Variants in DUSP8 observed in about 807,000 individuals in gnomAD.
DUSP8 encodes dual specificity phosphatase 8.
In DUSP8, 15 loss-of-function variants were observed where a neutral mutation model predicts 38.7. The ratio of observed to expected loss-of-function variants is 0.39; its 90% CI spans 0.26 to 0.60. The LOEUF is 0.60. Among genes scored for constraint, DUSP8 ranks in the 20% least tolerant of loss-of-function variants. The pLI is 0.56. For synonymous variants in DUSP8, 458 were observed against 433.9 expected (o/e 1.06, Z -0.69); for missense variants, 768 against 915.0 (o/e 0.84, Z 2.07).
chr11:1,557,226 G>C lies in DUSP8; in HGVS notation c.1170C>G (p.Leu390=). 6.7e-7 allele frequency: 1 copy of C among 1,497,300 alleles called. No individual in the cohort carries two copies. The highest frequency in any genetic ancestry group is 8.9e-7 in the Non-Finnish European group (1 of 1,125,400). The allele number at this position is 1,497,300 out of a possible 1,614,324, so 92.8% of individuals were successfully genotyped here. Residue 390 remains leucine, a synonymous_variant, in exon 7 of 7, where the codon CTC becomes CTG. Transcript: ENST00000397374. The surrounding 1 kb of genome is among the most constrained non-coding windows in gnomAD (Gnocchi z 9.9). ...TGATGTCCAGGGAGAAGGAGCGCTT[G>C]AGGCGGTTAGTGTCCTGCAGGCGGT... The part of the protein sequence containing the change: ...SSDRLQDTNR[L]KRSFSLDIKS...
In DUSP8 at chr11:1,554,478, C is replaced by T. The variant is rs190205565; in HGVS notation, c.*2040G>A. On this transcript the variant is annotated 3_prime_UTR_variant, in exon 7 of 7. Transcript: ENST00000397374. ...TGAAAGCCACCAGGTGGGGCCTCAG[C>T]CCGCCTCCTGCAGCACTGGAGGAGG... The T allele has an allele frequency of 1.8e-3, 403 of 221,898 alleles. 1 individual carries two copies. Among genetic ancestry groups the T allele is most frequent in the Non-Finnish European group, 2.8e-3 (369 of 129,702 alleles). 13.7% of individuals were successfully genotyped at this position (221,898 alleles called of 1,614,324 possible).
At chr11:1,569,368 C>A (rs895109544) in intron 1 of DUSP8, among the ~76,000 whole-genome samples, 1 of 152,164 alleles carries the variant, frequency 6.6e-6, no homozygotes, top group Non-Finnish European at 1.5e-5. Context: ...GTGCACACTG[C>A]CCTCTGTGCG....
chr11:1,569,839 C>T (rs961929299), intron 1 of DUSP8, among the ~76,000 whole-genome samples: 1 of 152,176 alleles, frequency 6.6e-6, no homozygotes, highest in Non-Finnish European at 1.5e-5. Flanking sequence ...TGGAGCTGTC[C>T]GGCTCACTGT....
chr11:1,563,819 G>A, intron 3 of DUSP8, 32 bp downstream of exon 3: 2 of 1,448,940 alleles, frequency 1.4e-6, no homozygotes, highest in South Asian at 1.5e-5. Context: ...GGCGGAGCAA[G>A]TGCCTCGGGG....
chr11:1,560,400 A>G (rs981299639), intron 3 of DUSP8, among the ~76,000 whole-genome samples: 1 of 152,158 alleles, frequency 6.6e-6, no homozygotes. Flanking sequence ...TGGGTGGAGT[A>G]GAGCCACCCT....
chr11:1,554,530 C>G lies in DUSP8; in HGVS notation c.*1988G>C, dbSNP rs149565066. On this transcript the variant is annotated 3_prime_UTR_variant, in exon 7 of 7. Coordinates refer to ENST00000397374, the MANE Select transcript of DUSP8 (RefSeq NM_004420.3). ...AGTGGCCAACACAGGACCTTCGCCCCCCTGCTGGCTGCTCACTTTGCGGTA... is the reference window on the plus strand; with the variant it reads ...AGTGGCCAACACAGGACCTTCGCCCGCCTGCTGGCTGCTCACTTTGCGGTA... 57 of 570,834 alleles carry G rather than the reference C, an allele frequency of 1.0e-4. No individual in the cohort carries two copies. The East Asian group carries it at 7.9e-3, about 79-fold the overall frequency. 35.4% of individuals were successfully genotyped at this position (570,834 alleles called of 1,614,324 possible).
chr11:1,566,431 T>C (rs1248289621), intron 1 of DUSP8, among the ~76,000 whole-genome samples: 1 of 152,096 alleles, frequency 6.6e-6, no homozygotes, highest in Non-Finnish European at 1.5e-5. Context: ...CCCTGGAGAC[T>C]TGACTCCAGG....
rs1292088161 is a variant in DUSP8 at position 1,555,314 on chromosome 11, C to T, written c.*1204G>A. The stretch of plus-strand genomic sequence containing the variant: ...GCGGCCCCATGGGGGTGGGGGCAAA[C>T]GAGGGGGCTTTACCTGTCTTGAGGC... On this transcript the variant is annotated 3_prime_UTR_variant, in exon 7 of 7. Coordinates refer to ENST00000397374, the MANE Select transcript of DUSP8 (RefSeq NM_004420.3). The T allele has an allele frequency of 8.1e-6, 8 of 987,858 alleles. No homozygotes were observed. The highest frequency in any genetic ancestry group is 5.6e-4 in the Middle Eastern group (2 of 3,550). The allele number at this position is 987,858 out of a possible 1,614,324, so 61.2% of individuals were successfully genotyped here.
At chr11:1,564,133 G>T in intron 2 of DUSP8, 144 bp from the exon 3 acceptor site, 1 of 1,034,758 alleles carries the variant, frequency 9.7e-7, no homozygotes, top group Non-Finnish European at 1.3e-6. Context: ...TGGAGGGGAG[G>T]GCAGGTGCAG....
chr11:1,559,438 C>T, intron 3 of DUSP8: 1 of 261,622 alleles, frequency 3.8e-6, no homozygotes, highest in Non-Finnish European at 7.3e-6. Context: ...GTGTGTGTCA[C>T]ACAGCCCAGA....
At position 1,558,320 on chromosome 11, in the gene DUSP8, C is replaced by A. The variant is rs1435220613; in HGVS notation, c.538-49G>T. The A allele has an allele frequency of 6.5e-6, 2 of 307,082 alleles. No individual in the cohort carries two copies. Among genetic ancestry groups the A allele is most frequent in the Admixed American group, 4.0e-5 (1 of 24,966 alleles). 19.0% of individuals were successfully genotyped at this position (307,082 alleles called of 1,614,324 possible). ...GGAAAGGGGTGGGAGAAGCTCGGGGCGGGAGTGAAGGTGGAGGCTTTTCCT... is the reference window on the plus strand; with the variant it reads ...GGAAAGGGGTGGGAGAAGCTCGGGGAGGGAGTGAAGGTGGAGGCTTTTCCT... On this transcript the variant is annotated intron_variant, in intron 4 of 6. Coordinates refer to ENST00000397374, the MANE Select transcript of DUSP8 (RefSeq NM_004420.3). The surrounding 1 kb of genome is among the most constrained non-coding windows in gnomAD (Gnocchi z 6.3).
intron 3 of DUSP8, among the ~76,000 whole-genome samples, chr11:1,563,530 A>C (rs887888516): frequency 6.6e-6 from 1 of 152,162 alleles, no homozygotes; most frequent in African/African-American, 2.4e-5. Flanking sequence ...CACGGCTCCA[A>C]CTGAGTTTCC....
Position 1,558,878 on chromosome 11 carries a change from T to C in DUSP8, c.537+11A>G. ...CCATTGACCACCCCCCGAACTCCAC[T>C]GCACACACACCTTGTTTAGGACGTC... On this transcript the variant is annotated intron_variant, in intron 4 of 6. Coordinates refer to ENST00000397374, the MANE Select transcript of DUSP8 (RefSeq NM_004420.3). The surrounding 1 kb of genome is among the most constrained non-coding windows in gnomAD (Gnocchi z 6.3). 6.2e-7 allele frequency: 1 copy of C among 1,600,402 alleles called. No homozygotes were observed. The highest frequency in any genetic ancestry group is 2.2e-5 in the East Asian group (1 of 44,464).
Position 1,557,063 on chromosome 11 carries a change from CGTCCGGGCT to C in DUSP8, c.1324_1332del (p.Ser442_Asp444del), listed in dbSNP as rs1324197274. 2.4e-5 allele frequency: 29 copies of C among 1,202,104 alleles called. No homozygotes were observed. The highest frequency in any genetic ancestry group is 2.9e-5 in the Non-Finnish European group (28 of 967,662). 74.5% of individuals were successfully genotyped at this position (1,202,104 alleles called of 1,614,324 possible). ...GGCCGTGGGCGCGCCTCAGGCGCGG[CGTCCGGGCT>C]GTCCGGGCTGGGCGAGGACAGGCCC... On this transcript the variant is annotated inframe_deletion, in exon 7 of 7. Coordinates refer to ENST00000397374, the MANE Select transcript of DUSP8 (RefSeq NM_004420.3). The surrounding 1 kb of genome is among the most constrained non-coding windows in gnomAD (Gnocchi z 9.9).
intron 3 of DUSP8, among the ~76,000 whole-genome samples, chr11:1,561,682 G>A (rs969564380): frequency 2.6e-5 from 4 of 152,246 alleles, no homozygotes; most frequent in African/African-American, 9.6e-5. Flanking sequence ...CTGCCCTGCT[G>A]TGGGGAGGAC....
chr11:1,558,969 AG>A lies in DUSP8; in HGVS notation c.456del (p.Cys153AlafsTer9), dbSNP rs1182648382. On this transcript the variant is annotated frameshift_variant, in exon 4 of 7. Transcript: ENST00000397374. LOFTEE classifies it high-confidence loss of function. The surrounding 1 kb of genome is among the most constrained non-coding windows in gnomAD (Gnocchi z 6.3). ...AALLPMSLSQ[P>X]CLPVPSVGLT... Reference sequence around the variant, plus strand: ...AGGCCCACGCTGGGCACAGGCAGGCAGGGCTGGGAGAGGCTCATGGGTAGCA... The same window carrying A: ...AGGCCCACGCTGGGCACAGGCAGGCAGGCTGGGAGAGGCTCATGGGTAGCA... The A allele has an allele frequency of 6.2e-7, 1 of 1,610,244 alleles. No individual in the cohort carries two copies. Among genetic ancestry groups the A allele is most frequent in the African/African-American group, 1.3e-5 (1 of 74,598 alleles).
rs1234667183 is a variant in DUSP8, at chr11:1,555,542, T to C, written c.*976A>G. On this transcript the variant is annotated 3_prime_UTR_variant, in exon 7 of 7. Coordinates refer to ENST00000397374, the MANE Select transcript of DUSP8 (RefSeq NM_004420.3). ...CCTAAGACCACCCCCTCCTCATACC[T>C]GGGGGTCCAGGGCTTCCTGCCCAGT... 22 of 877,458 alleles carry C rather than the reference T, an allele frequency of 2.5e-5. No individual in the cohort carries two copies. The highest frequency in any genetic ancestry group is 3.0e-5 in the Non-Finnish European group (22 of 731,048). The allele number at this position is 877,458 out of a possible 1,614,324, so 54.4% of individuals were successfully genotyped here. A position where few individuals can be genotyped will look rare whatever the true frequency, so the allele number is the denominator to read the frequency against.
chr11:1,554,654 G>A lies in DUSP8; in HGVS notation c.*1864C>T. The A allele has an allele frequency of 1.0e-6, 1 of 987,068 alleles. No homozygotes were observed. Among genetic ancestry groups the A allele is most frequent in the Non-Finnish European group, 1.2e-6 (1 of 829,432 alleles). 61.1% of individuals were successfully genotyped at this position (987,068 alleles called of 1,614,324 possible). ...AGGGGAAGGGGGAAGGGAGAAGGGG[G>A]CCCAACCAGTGGCCCCAGACCACTG... On this transcript the variant is annotated 3_prime_UTR_variant, in exon 7 of 7. Coordinates refer to ENST00000397374, the MANE Select transcript of DUSP8 (RefSeq NM_004420.3).
At position 1,556,623 on chromosome 11, in the gene DUSP8, C is replaced by G. The variant is rs1235647997; in HGVS notation, c.1773G>C (p.Glu591Asp). The G allele has an allele frequency of 7.0e-7, 1 of 1,432,658 alleles. No homozygotes were observed. The highest frequency in any genetic ancestry group is 1.5e-5 in the African/African-American group (1 of 67,924). The allele number at this position is 1,432,658 out of a possible 1,614,324, so 88.7% of individuals were successfully genotyped here. The change falls in exon 7 of 7, where the codon GAG becomes GAC. Residue 591 changes from glutamate to aspartate, a missense_variant. Glu to Asp is a conservative substitution (Grantham distance 45). This residue lies in a region of DUSP8 where 42 missense variants were observed against 73.7 expected (regional missense o/e 0.57). Coordinates refer to ENST00000397374, the MANE Select transcript of DUSP8 (RefSeq NM_004420.3). The surrounding 1 kb of genome is among the most constrained non-coding windows in gnomAD (Gnocchi z 5.2). Reference protein sequence around the residue: ...TQFKRRSCQMEFEEGMVEGRA... With the variant: ...TQFKRRSCQMDFEEGMVEGRA... ...GCCCCTCCACCATGCCCTCCTCGAA[C>G]TCCATCTGGCAGCTGCGGCGCTTGA...
Sources: allele counts gnomAD v4.1 joint callset (sites outside exome capture counted in the v4.1 genomes callset), GRCh38; gene constraint gnomAD v4.1.1; regional missense constraint gnomAD v4.1.1; non-coding constraint Gnocchi (gnomAD v3.1); transcripts MANE v1.5; gene names NCBI Gene and HGNC (gene_info 2026-07-23, HGNC 2026-07-21).